Variants in MEIS1 observed in about 807,000 individuals in gnomAD.
MEIS1 encodes the protein homeobox protein Meis1.
MEIS1 carries 5 observed loss-of-function variants against 50.8 expected under a neutral mutation model. The ratio of observed to expected loss-of-function variants is 0.10; its 90% CI spans 0.05 to 0.21. The LOEUF is 0.21. Ranked by LOEUF, MEIS1 falls within the 10% of genes least tolerant of loss-of-function variation. MEIS1 has a pLI of 1.00. For missense variants in MEIS1, 318 were observed against 517.3 expected, an observed-to-expected ratio of 0.61 and a Z score of 3.74; for synonymous variants, 176 against 179.3, an observed-to-expected ratio of 0.98 and a Z score of 0.15.
At position 66,473,401 on chromosome 2, in the gene MEIS1, T is replaced by A. The variant is rs866283646; in HGVS notation, c.742+9181T>A. On this transcript the variant is annotated intron_variant, in intron 7 of 12. Transcript: ENST00000272369. ...GTCAAAAAAAAAAAAAAAAAAAATA[T>A]ATATATATATATATATAGTAATATA... 7.5e-3 allele frequency among the ~76,000 whole-genome samples: 849 copies of A among 113,838 alleles called. 10 individuals are homozygous for A. The highest frequency in any genetic ancestry group is 0.028 in the African/African-American group (554 of 19,544). 74.7% of individuals were successfully genotyped at this position (113,838 alleles called of 152,430 possible). A position where few individuals can be genotyped will look rare whatever the true frequency, so the allele number is the denominator to read the frequency against.
chr2:66,464,166 G>C lies in MEIS1; in HGVS notation c.688G>C (p.Gly230Arg). 1 of 1,606,544 alleles carries C rather than the reference G, an allele frequency of 6.2e-7. No individual in the cohort carries two copies. The highest frequency in any genetic ancestry group is 1.1e-5 in the South Asian group (1 of 88,954). The change falls in exon 7 of 13, where the codon GGC (glycine) becomes CGC (arginine). Residue 230 changes from glycine (G) to arginine (R), a missense_variant. Transcript: ENST00000272369. ...TASTRSGGTP[G>R]PSSGGHTSHS... ...ATCTACTCGTTCAGGAGGAACCCCA[G>C]GCCCTTCCAGCGGTGGCCACACGTC...
chr2:66,492,444 C>G (rs868052023), intron 7 of MEIS1, among the ~76,000 whole-genome samples: 1 of 152,120 alleles, frequency 6.6e-6, no homozygotes, highest in Non-Finnish European at 1.5e-5. Context: ...GCACTGAACT[C>G]AGCACACACA....
intron 6 of MEIS1, among the ~76,000 whole-genome samples, chr2:66,457,173 T>G (rs1672411288): frequency 6.6e-6 from 1 of 151,928 alleles, no homozygotes; most frequent in Non-Finnish European, 1.5e-5. Flanking sequence ...TTTTTTTTTT[T>G]TTTTTTAGAA....
At chr2:66,555,103 T>C (rs1269743154) in intron 9 of MEIS1, among the ~76,000 whole-genome samples, 1 of 152,226 alleles carries the variant, frequency 6.6e-6, no homozygotes, top group Non-Finnish European at 1.5e-5. Context: ...ACAAACTTTT[T>C]AGTGGATGCA....
intron 8 of MEIS1, among the ~76,000 whole-genome samples, chr2:66,536,164 C>T (rs936170922): frequency 1.3e-5 from 2 of 152,160 alleles, no homozygotes; most frequent in Non-Finnish European, 2.9e-5. Context: ...CTAGATAACA[C>T]ATAAACCCCG....
intron 6 of MEIS1, among the ~76,000 whole-genome samples, chr2:66,454,090 G>A (rs1477873531): frequency 2.0e-5 from 3 of 152,082 alleles, no homozygotes; most frequent in Admixed American, 2.0e-4. Flanking sequence ...TCTGTAAAAT[G>A]GGGATAGTAA....
intron 8 of MEIS1, among the ~76,000 whole-genome samples, chr2:66,536,411 C>G (rs1277341685): frequency 6.6e-6 from 1 of 152,156 alleles, no homozygotes; most frequent in Non-Finnish European, 1.5e-5. Context: ...ACTTAATCCC[C>G]CTTCATTAAG....
chr2:66,554,560 C>T (rs980048031), intron 9 of MEIS1, among the ~76,000 whole-genome samples: 3 of 152,106 alleles, frequency 2.0e-5, no homozygotes, highest in Non-Finnish European at 4.4e-5. Context: ...AGGGACAGGT[C>T]GCTGCAATCA....
At chr2:66,546,252 G>A (rs1313008402) in intron 8 of MEIS1, among the ~76,000 whole-genome samples, 3 of 152,158 alleles carry the variant, frequency 2.0e-5, no homozygotes, top group Non-Finnish European at 4.4e-5. Context: ...AGTGACATTG[G>A]GGTAAGAATC....
rs1266332568 is a variant in MEIS1 at position 66,512,202 on chromosome 2, C to A, written c.796C>A (p.Pro266Thr). ...CCCCAGCACAGGTGACGATGATGAC[C>A]CTGATAAGGACAAAAAGCGTCACAA... is the stretch of plus-strand genomic sequence containing the variant. The part of the protein sequence containing the change: ...ASPSTGDDDD[P>T]DKDKKRHKKR... The change falls in exon 8 of 13, where the codon CCT becomes ACT. Residue 266 changes from proline (P) to threonine (T), a missense_variant. By Grantham distance (38) the Pro-to-Thr change is conservative. Coordinates refer to ENST00000272369, the MANE Select transcript of MEIS1 (RefSeq NM_002398.3). The A allele has an allele frequency of 1.2e-6, 2 of 1,611,574 alleles. No homozygotes were observed. Among genetic ancestry groups the A allele is most frequent in the Non-Finnish European group, 1.7e-6 (2 of 1,178,858 alleles).
intron 7 of MEIS1, among the ~76,000 whole-genome samples, chr2:66,487,784 A>G (rs1673177517): frequency 6.6e-6 from 1 of 152,234 alleles, no homozygotes; most frequent in Non-Finnish European, 1.5e-5. Context: ...GTTTCCCGTC[A>G]CTTCTAAACG....
intron 8 of MEIS1, among the ~76,000 whole-genome samples, chr2:66,532,972 A>G (rs1162255048): frequency 1.3e-5 from 2 of 152,200 alleles, no homozygotes; most frequent in Non-Finnish European, 2.9e-5. Flanking sequence ...CATCAAATCA[A>G]TTAATTATAA....
chr2:66,442,473 C>A (rs1672013990), intron 5 of MEIS1, among the ~76,000 whole-genome samples: 1 of 152,008 alleles, frequency 6.6e-6, no homozygotes. Context: ...TATGCCACCA[C>A]AGTACAGGTT....
intron 7 of MEIS1, chr2:66,508,853 T>C: frequency 2.7e-6 from 1 of 376,650 alleles, no homozygotes; most frequent in Non-Finnish European, 5.5e-6. Context: ...CTAATGAGGC[T>C]GTAAGCTTGT....
chr2:66,440,400 T>A, intron 3 of MEIS1, 162 bp from the exon 4 acceptor site: 2 of 673,532 alleles, frequency 3.0e-6, no homozygotes. Context: ...CTGAAATGTT[T>A]CTGCGCGGGA....
intron 9 of MEIS1, chr2:66,562,094 C>A (rs1371189457): frequency 2.5e-4 from 26 of 102,568 alleles, no homozygotes; most frequent in African/African-American, 9.9e-4. Flanking sequence ...TTACAGAGAG[C>A]CATACAAGGG....
intron 7 of MEIS1, among the ~76,000 whole-genome samples, chr2:66,473,901 C>T (rs1672828381): frequency 6.6e-6 from 1 of 152,164 alleles, no homozygotes; most frequent in South Asian, 2.1e-4. Context: ...ATGCTCAATT[C>T]CCTGCTATTA....
chr2:66,526,724 T>C (rs1674259641), intron 8 of MEIS1, among the ~76,000 whole-genome samples: 1 of 152,242 alleles, frequency 6.6e-6, no homozygotes. Flanking sequence ...CCAAGCATTT[T>C]AATTTGCTAA....
intron 7 of MEIS1, among the ~76,000 whole-genome samples, chr2:66,467,067 A>G (rs1672656274): frequency 1.3e-5 from 2 of 152,184 alleles, no homozygotes; most frequent in Non-Finnish European, 2.9e-5. Context: ...AACAGGCTAT[A>G]TATATATACA....
Sources: gnomAD v4.1 joint callset for allele counts (sites outside exome capture counted in the v4.1 genomes callset) on GRCh38, gnomAD v4.1.1 for gene constraint, MANE v1.5 for transcripts, NCBI Gene and HGNC (gene_info 2026-07-23, HGNC 2026-07-21) for gene names.